Variants in ATAT1 observed in about 807,000 individuals in gnomAD.
The protein encoded by ATAT1 is alpha-tubulin N-acetyltransferase 1.
ATAT1 carries 42 observed loss-of-function variants against 57.2 expected under a neutral mutation model. That is an observed-to-expected ratio of 0.73 (90% CI 0.57 to 0.95). The LOEUF (loss-of-function observed/expected upper bound fraction) is 0.95, where lower values mean the gene tolerates loss of function less well. ATAT1 is among the 40% of genes least tolerant of loss of function. The probability of loss-of-function intolerance (pLI) is 0.00; values close to 1 mark genes in which losing one functional copy is unlikely to be tolerated. For missense variants in ATAT1, 454 were observed against 523.7 expected, an observed-to-expected ratio of 0.87 and a Z score of 1.30; for synonymous variants, 168 against 187.1, an observed-to-expected ratio of 0.90 and a Z score of 0.83.
chr6:30,628,240 G>A lies in ATAT1; in HGVS notation c.400-89G>A, dbSNP rs560480372. 3,085 of 1,531,448 alleles carry A rather than the reference G, an allele frequency of 2.0e-3. 10 individuals carry two copies. Among genetic ancestry groups the A allele is most frequent in the Non-Finnish European group, 2.5e-3 (2,750 of 1,107,430 alleles). 94.9% of individuals were successfully genotyped at this position (1,531,448 alleles called of 1,614,324 possible). The stretch of plus-strand genomic sequence containing the variant: ...TGCCTCCCACCCCCCATGTTCCCAT[G>A]TCATTCTATTCCCTTCCCAGGCTTC... On this transcript the variant is annotated intron_variant, in intron 5 of 12. Coordinates refer to ENST00000330083, the MANE Select transcript of ATAT1 (RefSeq NM_001031722.4).
intron 10 of ATAT1, 175 bp downstream of exon 10, chr6:30,643,186 T>C: frequency 7.6e-6 from 11 of 1,450,600 alleles, no homozygotes; most frequent in African/African-American, 1.4e-5. Context: ...AAAAATGCAG[T>C]GAAGGAGCAG....
chr6:30,645,993 C>T lies in ATAT1; in HGVS notation c.1012+19C>T, dbSNP rs748377712. ...AATACAGGTAAGTATTCACTCCTCC[C>T]TACCCTCAAATCAAGTAGGCCACAT... On this transcript the variant is annotated intron_variant, in intron 11 of 12. Coordinates refer to ENST00000330083, the MANE Select transcript of ATAT1 (RefSeq NM_001031722.4). 6.6e-5 allele frequency: 105 copies of T among 1,599,344 alleles called. No homozygotes were observed. Among genetic ancestry groups the T allele is most frequent in the Non-Finnish European group, 8.7e-5 (102 of 1,172,682 alleles).
At chr6:30,627,585 C>G in intron 2 of ATAT1, 51 bp from the exon 3 acceptor site, 1 of 1,608,414 alleles carries the variant, frequency 6.2e-7, no homozygotes, top group Non-Finnish European at 8.5e-7. Flanking sequence ...TAAGGGAGGC[C>G]TGGGTCCTTC....
intron 6 of ATAT1, among the ~76,000 whole-genome samples, chr6:30,630,119 A>G (rs540571709): frequency 1.3e-5 from 2 of 152,224 alleles, no homozygotes; most frequent in South Asian, 2.1e-4. Context: ...GAAACAGACA[A>G]CAGCCTGGGC....
chr6:30,642,837 A>AACCCCC lies in ATAT1; in HGVS notation c.758_759insACCCCC (p.His253delinsGlnProPro). ...CCTCGCCGCGCCACACCTCCAGCCC[A>AACCCCC]CCCACCCCCCCGCTCCAGCAGCCTG... On this transcript the variant is annotated protein_altering_variant, in exon 10 of 13. Coordinates refer to ENST00000330083, the MANE Select transcript of ATAT1 (RefSeq NM_001031722.4). 3.1e-6 allele frequency: 1 copy of AACCCCC among 320,344 alleles called. No homozygotes were observed. The highest frequency in any genetic ancestry group is 4.1e-5 in the Admixed American group (1 of 24,410). The allele number at this position is 320,344 out of a possible 1,614,324, so 19.8% of individuals were successfully genotyped here.
chr6:30,634,763 T>C (rs1478950657), intron 6 of ATAT1, among the ~76,000 whole-genome samples: 1 of 126,274 alleles, frequency 7.9e-6, no homozygotes, highest in Non-Finnish European at 1.6e-5. Flanking sequence ...CCGAGGTGGG[T>C]GGATCACGAG....
At chr6:30,638,364 C>G (rs112927484) in intron 6 of ATAT1, among the ~76,000 whole-genome samples, 5,485 of 152,062 alleles carry the variant, frequency 0.036, 187 homozygotes, top group African/African-American at 0.08. Context: ...GCAATCTCAG[C>G]TCACTACAGC....
chr6:30,645,184 CT>C (rs1395855790), intron 10 of ATAT1, among the ~76,000 whole-genome samples: 1 of 151,888 alleles, frequency 6.6e-6, no homozygotes, highest in East Asian at 1.9e-4. Flanking sequence ...AAAATTCAGC[CT>C]TGTCACTTCC....
chr6:30,627,414 G>A (rs1271788669), intron 1 of ATAT1, 46 bp from the exon 2 acceptor site: 7 of 1,601,592 alleles, frequency 4.4e-6, no homozygotes, highest in Non-Finnish European at 6.0e-6. Context: ...CCTAGGACCC[G>A]CTAATTTAGT....
rs1290885914 is a variant in ATAT1 at position 30,628,076 on chromosome 6, G to A, written c.330G>A (p.Leu110=). The A allele has an allele frequency of 6.2e-7, 1 of 1,613,024 alleles. No homozygotes were observed. The highest frequency in any genetic ancestry group is 1.1e-5 in the South Asian group (1 of 91,080). Residue 110 remains leucine, a synonymous_variant, in exon 5 of 13, where the codon CTG becomes CTA. Transcript: ENST00000330083. ...ATGAGGTAGAACCACTTTGCATCCT[G>A]GACTTTTACATCCATGAGTCTGTGC... is the stretch of plus-strand genomic sequence containing the variant.
In ATAT1 at chr6:30,645,908, G is replaced by C; in HGVS notation, c.946G>C (p.Gly316Arg). ...TTTCTTCTACAGGGGGACTCCCCCA[G>C]GTCTGGTAGCCCAAAGCTGCTGCTA... Residue 316 changes from glycine to arginine, a missense_variant, in exon 11 of 13, where the codon GGT (glycine) becomes CGT (arginine). By Grantham distance (125) the Gly-to-Arg change is moderately radical. Around this residue, in one of 3 missense-constraint regions of ATAT1, gnomAD observed 216 missense variants for 222.2 expected, o/e 0.97. Transcript: ENST00000330083. 1 of 1,506,258 alleles carries C rather than the reference G, an allele frequency of 6.6e-7. No individual in the cohort carries two copies. The highest frequency in any genetic ancestry group is 8.9e-7 in the Non-Finnish European group (1 of 1,128,552). 93.3% of individuals were successfully genotyped at this position (1,506,258 alleles called of 1,614,324 possible).
rs1328704690 is a variant in ATAT1 at position 30,642,793 on chromosome 6, T to A, written c.714T>A (p.Pro238=). Residue 238 remains proline, a synonymous_variant, in exon 10 of 13, where the codon CCT becomes CCA. Coordinates refer to ENST00000330083, the MANE Select transcript of ATAT1 (RefSeq NM_001031722.4). Reference sequence around the variant, plus strand: ...TTCTGAAGGTAGCTGTGGAGCCTCCTTGGCCCCTAAACAGGGCCCCTCGCC... The same window carrying A: ...TTCTGAAGGTAGCTGTGGAGCCTCCATGGCCCCTAAACAGGGCCCCTCGCC... 1.2e-6 allele frequency: 2 copies of A among 1,612,188 alleles called. No homozygotes were observed. The highest frequency in any genetic ancestry group is 1.7e-6 in the Non-Finnish European group (2 of 1,179,520).
At chr6:30,643,856 T>G in intron 10 of ATAT1, 3 of 1,302,624 alleles carry the variant, frequency 2.3e-6, no homozygotes, top group Non-Finnish European at 2.9e-6. Flanking sequence ...GGCTCATACA[T>G]TTATCTAGAG....
intron 8 of ATAT1, chr6:30,641,882 C>T: frequency 2.4e-6 from 3 of 1,228,992 alleles, no homozygotes; most frequent in Non-Finnish European, 3.1e-6. Context: ...TAAGAGCTCA[C>T]TTCCCTTGGC....
intron 6 of ATAT1, among the ~76,000 whole-genome samples, chr6:30,638,746 C>T (rs1764716401): frequency 6.6e-6 from 1 of 152,190 alleles, no homozygotes; most frequent in African/African-American, 2.4e-5. Context: ...TGAGGCCCAG[C>T]CCTGCCACTT....
intron 6 of ATAT1, chr6:30,633,767 C>T: frequency 5.4e-6 from 1 of 185,008 alleles, no homozygotes; most frequent in Admixed American, 6.3e-5. Flanking sequence ...GAGCAGGAGG[C>T]TGACAACGAG....
chr6:30,636,426 T>C (rs1764090201), intron 6 of ATAT1, among the ~76,000 whole-genome samples: 1 of 151,312 alleles, frequency 6.6e-6, no homozygotes, highest in Non-Finnish European at 1.5e-5. Flanking sequence ...CTACTAAAAA[T>C]ACAAAAAAAA....
In ATAT1 at chr6:30,627,852, G is replaced by C. The variant is rs747830177; in HGVS notation, c.226G>C (p.Ala76Pro). 2.5e-6 allele frequency: 4 copies of C among 1,612,848 alleles called. No individual in the cohort carries two copies. Among genetic ancestry groups the C allele is most frequent in the Non-Finnish European group, 3.4e-6 (4 of 1,179,934 alleles). The change falls in exon 4 of 13, where the codon GCT (alanine) becomes CCT (proline). Residue 76 changes from alanine (A) to proline (P), a missense_variant and splice_region_variant. Physicochemically the swap from Ala to Pro is conservative, Grantham distance 27. Transcript: ENST00000330083. ...TTCATTATTTTCCCCGTCCTACAGG[G>C]CTGGAAAAGGAGCCATTATTGGTTT... is the stretch of plus-strand genomic sequence containing the variant.
intron 6 of ATAT1, among the ~76,000 whole-genome samples, chr6:30,630,163 A>C (rs988364647): frequency 1.3e-5 from 2 of 151,648 alleles, no homozygotes; most frequent in Admixed American, 6.6e-5. Context: ...CAAAAAATAC[A>C]AAAAAAAATT....
Sources: gnomAD v4.1 joint callset for allele counts (sites outside exome capture counted in the v4.1 genomes callset) on GRCh38, gnomAD v4.1.1 for gene constraint, gnomAD v4.1.1 regional missense constraint, MANE v1.5 for transcripts, NCBI Gene and HGNC (gene_info 2026-07-23, HGNC 2026-07-21) for gene names.